The following MYO16 variants were observed in gnomAD, a reference collection of about 807,000 sequenced individuals.
MYO16 encodes the protein unconventional myosin-XVI.
In MYO16, 94 loss-of-function variants were observed where a neutral mutation model predicts 205.3. The observed-to-expected ratio is 0.46, with a 90% CI of 0.39 to 0.54. The LOEUF (loss-of-function observed/expected upper bound fraction) is 0.54, where lower values mean the gene tolerates loss of function less well. Ranked by LOEUF, MYO16 falls within the 20% of genes least tolerant of loss-of-function variation. MYO16 has a pLI of 0.00. For synonymous variants in MYO16, 988 were observed against 954.0 expected, an observed-to-expected ratio of 1.04 and a Z score of -0.66; for missense variants, 2,315 against 2,387.5, an observed-to-expected ratio of 0.97 and a Z score of 0.63.
At chr13:109,014,225 TC>T (rs1234414771) in intron 22 of MYO16, among the ~76,000 whole-genome samples, 3 of 152,218 alleles carry the variant, frequency 2.0e-5, no homozygotes, top group Non-Finnish European at 2.9e-5. Context: ...AAATAGGGAA[TC>T]CTTTCCCCAT....
intron 4 of MYO16, among the ~76,000 whole-genome samples, chr13:108,751,403 T>C (rs1226634025): frequency 6.6e-6 from 1 of 152,172 alleles, no homozygotes; most frequent in Non-Finnish European, 1.5e-5. Context: ...AAAACAGTAG[T>C]ATTGGATTAT....
At chr13:108,668,991 G>A (rs1881864451) in intron 2 of MYO16, among the ~76,000 whole-genome samples, 1 of 152,064 alleles carries the variant, frequency 6.6e-6, no homozygotes, top group Non-Finnish European at 1.5e-5. Context: ...GTGCCTCTAG[G>A]AGTTGTGAAT....
At chr13:108,965,842 A>G (rs1449285723) in intron 20 of MYO16, among the ~76,000 whole-genome samples, 1 of 152,218 alleles carries the variant, frequency 6.6e-6, no homozygotes, top group Non-Finnish European at 1.5e-5. Context: ...AATTGAGAGC[A>G]CAGTCATATT....
the MYO16 span, among the ~76,000 whole-genome samples, chr13:108,550,360 G>T: frequency 6.6e-6 from 1 of 152,248 alleles, no homozygotes; most frequent in African/African-American, 2.4e-5. Flanking sequence ...CAAAGGACAA[G>T]CATGCTCAAG....
chr13:109,124,803 C>A (rs890022420), intron 29 of MYO16, among the ~76,000 whole-genome samples: 7 of 152,086 alleles, frequency 4.6e-5, no homozygotes, highest in African/African-American at 1.7e-4. Flanking sequence ...GGAGGCACAC[C>A]CCAAAATTCT....
the MYO16 span, among the ~76,000 whole-genome samples, chr13:108,508,527 A>C: frequency 6.6e-6 from 1 of 152,162 alleles, no homozygotes; most frequent in Non-Finnish European, 1.5e-5. Context: ...AGGGATCTAA[A>C]GTATGCAAGT....
intron 6 of MYO16, among the ~76,000 whole-genome samples, chr13:108,797,272 T>C (rs1886823116): frequency 6.6e-6 from 1 of 152,232 alleles, no homozygotes; most frequent in African/African-American, 2.4e-5. Context: ...GATTTGTGGT[T>C]GGACATTGGA....
intron 14 of MYO16, among the ~76,000 whole-genome samples, chr13:108,891,233 C>G (rs1259060452): frequency 1.3e-5 from 2 of 152,112 alleles, no homozygotes; most frequent in African/African-American, 4.8e-5. Context: ...GTGTGTGTTT[C>G]CTTATATGTG....
At chr13:109,023,713 A>AT (rs1491536332) in intron 23 of MYO16, among the ~76,000 whole-genome samples, 11 of 132,182 alleles carry the variant, frequency 8.3e-5, no homozygotes, top group South Asian at 7.0e-4. Flanking sequence ...GTATATATAC[A>AT]AATATATGTA....
Position 109,140,561 on chromosome 13 carries a change from G to T in MYO16, c.4349G>T (p.Gly1450Val). 1.3e-6 allele frequency: 2 copies of T among 1,539,740 alleles called. No homozygotes were observed. Among genetic ancestry groups the T allele is most frequent in the East Asian group, 2.4e-5 (1 of 40,960 alleles). Residue 1450 changes from glycine to valine, a missense_variant, in exon 32 of 35, where the codon GGG becomes GTG. Transcript: ENST00000457511. This position sits in a 1 kb window ranked among gnomAD's most constrained non-coding sequence, Gnocchi z 8.0. Reference sequence around the variant, plus strand: ...GCCAGGCCCGATAGCCCGGACCCCGGGGAGTCCGTGTACGAGGAGATGAAG... The same window carrying T: ...GCCAGGCCCGATAGCCCGGACCCCGTGGAGTCCGTGTACGAGGAGATGAAG... ...HAARPDSPDP[G>V]ESVYEEMKCC...
At chr13:108,899,868 T>G (rs1275159114) in intron 15 of MYO16, among the ~76,000 whole-genome samples, 1 of 152,166 alleles carries the variant, frequency 6.6e-6, no homozygotes, top group East Asian at 1.9e-4. Context: ...GAGTTTGTTA[T>G]AGATGCAGAA....
At chr13:108,826,948 G>A (rs1876305273) in intron 9 of MYO16, among the ~76,000 whole-genome samples, 1 of 152,158 alleles carries the variant, frequency 6.6e-6, no homozygotes, top group African/African-American at 2.4e-5. Flanking sequence ...ATGTCAAATG[G>A]TGAGGCAGTG....
the MYO16 span, among the ~76,000 whole-genome samples, chr13:108,497,150 C>T: frequency 2.0e-5 from 3 of 152,162 alleles, no homozygotes; most frequent in Non-Finnish European, 2.9e-5. Flanking sequence ...TCAATGAGAT[C>T]CTGAGATCAA....
Position 109,127,636 on chromosome 13 carries a change from G to A in MYO16, c.4051+86G>A, listed in dbSNP as rs768497394. ...TTGGGGCGCCCATGGCAGTACTGTC[G>A]CCCTAATGTATTCTTAATAGAAATA... is the stretch of plus-strand genomic sequence containing the variant. On this transcript the variant is annotated intron_variant, in intron 31 of 34. Coordinates refer to ENST00000457511, the MANE Select transcript of MYO16 (RefSeq NM_001198950.3). The surrounding 1 kb of genome is among the most constrained non-coding windows in gnomAD (Gnocchi z 4.2). The A allele has an allele frequency of 5.9e-6, 8 of 1,360,446 alleles. No homozygotes were observed. The Admixed American group carries it at 6.3e-5, about 11-fold the overall frequency. The allele number at this position is 1,360,446 out of a possible 1,614,324, so 84.3% of individuals were successfully genotyped here.
At chr13:108,569,547 T>C in the MYO16 span, among the ~76,000 whole-genome samples, 1 of 152,146 alleles carries the variant, frequency 6.6e-6, no homozygotes, top group Non-Finnish European at 1.5e-5. Flanking sequence ...ATTTATGGTG[T>C]ATAAATTTCT....
the MYO16 span, among the ~76,000 whole-genome samples, chr13:108,529,459 T>C: frequency 6.6e-6 from 1 of 152,144 alleles, no homozygotes; most frequent in African/African-American, 2.4e-5. Flanking sequence ...GGTCTTCCAG[T>C]GTTTTGGATT....
chr13:108,710,177 C>A (rs1883665344), intron 2 of MYO16, among the ~76,000 whole-genome samples: 1 of 152,070 alleles, frequency 6.6e-6, no homozygotes, highest in Non-Finnish European at 1.5e-5. Context: ...TGGTAAAATT[C>A]CAGGAATTTT....
intron 27 of MYO16, among the ~76,000 whole-genome samples, chr13:109,068,655 AG>A (rs1887830712): frequency 6.7e-6 from 1 of 148,730 alleles, no homozygotes; most frequent in Non-Finnish European, 1.5e-5. Flanking sequence ...GCAATGGCAC[AG>A]TCTTGGCTCA....
chr13:108,562,524 C>T, the MYO16 span, among the ~76,000 whole-genome samples: 1 of 152,126 alleles, frequency 6.6e-6, no homozygotes, highest in Non-Finnish European at 1.5e-5. Flanking sequence ...ATTTATATAA[C>T]AGCGTCCCAC....
Sources: allele counts gnomAD v4.1 joint callset (sites outside exome capture counted in the v4.1 genomes callset), GRCh38; gene constraint gnomAD v4.1.1; non-coding constraint Gnocchi (gnomAD v3.1); transcripts MANE v1.5; gene names NCBI Gene and HGNC (gene_info 2026-07-23, HGNC 2026-07-21).